Variants in EPC1 observed in about 807,000 individuals in gnomAD.
EPC1 encodes the protein enhancer of polycomb homolog 1.
A neutral mutation model predicts 98.4 loss-of-function variants in EPC1; 12 were observed. The observed-to-expected ratio is 0.12, with a 90% CI of 0.08 to 0.20. EPC1 has a LOEUF of 0.20. EPC1 is among the 10% of genes least tolerant of loss of function. EPC1 has a pLI of 1.00. For synonymous variants in EPC1, 357 were observed against 363.9 expected (o/e 0.98, Z 0.21); for missense variants, 729 against 990.5 (o/e 0.74, Z 3.54).
intron 1 of EPC1, among the ~76,000 whole-genome samples, chr10:32,357,077 G>A (rs1184182277): frequency 1.3e-5 from 2 of 152,212 alleles, no homozygotes; most frequent in African/African-American, 2.4e-5. Context: ...TCACAAGAAT[G>A]AGACCACTTT....
At chr10:32,270,724 C>A (rs564982390) in intron 13 of EPC1, among the ~76,000 whole-genome samples, 1 of 142,754 alleles carries the variant, frequency 7.0e-6, no homozygotes, top group African/African-American at 2.6e-5. Flanking sequence ...ACTCAGAAGG[C>A]TGAGACAGAA....
intron 2 of EPC1, among the ~76,000 whole-genome samples, chr10:32,294,571 G>A (rs1015385426): frequency 1.3e-5 from 2 of 152,088 alleles, no homozygotes; most frequent in South Asian, 2.1e-4. Context: ...GCTGTCACTC[G>A]GTGAGTATGT....
chr10:32,355,739 T>C (rs1839256198), intron 1 of EPC1, among the ~76,000 whole-genome samples: 2 of 147,820 alleles, frequency 1.4e-5, no homozygotes, highest in South Asian at 4.5e-4. Context: ...GCCTCCCGAG[T>C]AGCTGGGACT....
At chr10:32,269,802 C>T (rs1835752670) in intron 13 of EPC1, among the ~76,000 whole-genome samples, 1 of 152,206 alleles carries the variant, frequency 6.6e-6, no homozygotes, top group Non-Finnish European at 1.5e-5. Context: ...ATTAAGCAGA[C>T]AATGACTGTT....
chr10:32,356,559 C>T (rs1839283197), intron 1 of EPC1, among the ~76,000 whole-genome samples: 1 of 151,946 alleles, frequency 6.6e-6, no homozygotes, highest in Admixed American at 6.6e-5. Flanking sequence ...AGGAGATCAA[C>T]GAGGAGAATC....
At chr10:32,368,645 A>G (rs1299686251) in intron 1 of EPC1, among the ~76,000 whole-genome samples, 1 of 152,214 alleles carries the variant, frequency 6.6e-6, no homozygotes, top group Non-Finnish European at 1.5e-5. Flanking sequence ...TATGTGACTC[A>G]TTGACTTAAC....
intron 1 of EPC1, among the ~76,000 whole-genome samples, chr10:32,331,804 A>G (rs900010570): frequency 6.6e-6 from 1 of 152,248 alleles, no homozygotes; most frequent in Non-Finnish European, 1.5e-5. Context: ...AAGTCATCTC[A>G]TAAGTCAACA....
intron 13 of EPC1, chr10:32,269,363 A>C (rs1460338856): frequency 5.0e-6 from 2 of 402,626 alleles, no homozygotes; most frequent in East Asian, 9.5e-5. Context: ...TCAAAATTAT[A>C]GTAGTACTCA....
chr10:32,271,527 G>T (rs1231773245), intron 13 of EPC1, 27 bp downstream of exon 13: 1 of 1,601,992 alleles, frequency 6.2e-7, no homozygotes, highest in Admixed American at 1.7e-5. Flanking sequence ...CTTATTCCAG[G>T]TATGTTAGGC....
chr10:32,349,817 C>T (rs1452941757), upstream of EPC1, among the ~76,000 whole-genome samples: 1 of 152,142 alleles, frequency 6.6e-6, no homozygotes, highest in Non-Finnish European at 1.5e-5. Flanking sequence ...CCAGGCTGCT[C>T]CTGAGCTCCT....
chr10:32,346,707 C>A (rs1306294047), intron 1 of EPC1, 56 bp downstream of exon 1: 2 of 1,534,756 alleles, frequency 1.3e-6, no homozygotes, highest in Middle Eastern at 1.7e-4. Flanking sequence ...GCCGCCGCCG[C>A]AGGCAGCAGA....
intron 1 of EPC1, among the ~76,000 whole-genome samples, chr10:32,354,884 T>C (rs1352692420): frequency 6.6e-6 from 1 of 152,136 alleles, no homozygotes; most frequent in Non-Finnish European, 1.5e-5. Flanking sequence ...CTTATGAGAA[T>C]CTAATGCCTG....
At chr10:32,360,264 G>A (rs1564566862) in intron 1 of EPC1, among the ~76,000 whole-genome samples, 1 of 152,116 alleles carries the variant, frequency 6.6e-6, no homozygotes, top group African/African-American at 2.4e-5. Flanking sequence ...TAGTAGTTTT[G>A]TATCATGTAT....
intron 11 of EPC1, 178 bp from the exon 12 acceptor site, chr10:32,272,345 A>C (rs1835889280): frequency 3.7e-6 from 2 of 537,674 alleles, no homozygotes; most frequent in Non-Finnish European, 6.4e-6. Context: ...ATAGTCATAT[A>C]TTTGATAAGT....
At chr10:32,347,680 G>C (rs1042936943), upstream of EPC1, among the ~76,000 whole-genome samples, 2 of 142,316 alleles carry the variant, frequency 1.4e-5, no homozygotes, top group Non-Finnish European at 2.9e-5. Flanking sequence ...CGTCTGCCGC[G>C]GGGGGCGAAC....
chr10:32,340,170 T>C (rs901524187), intron 1 of EPC1, among the ~76,000 whole-genome samples: 19 of 152,150 alleles, frequency 1.2e-4, no homozygotes, highest in Admixed American at 4.6e-4. Flanking sequence ...ACAACACATA[T>C]CCAAAAACTG....
intron 1 of EPC1, among the ~76,000 whole-genome samples, chr10:32,318,207 C>T (rs1193502618): frequency 6.6e-6 from 1 of 152,126 alleles, no homozygotes; most frequent in African/African-American, 2.4e-5. Context: ...TTTTAAAAGG[C>T]TCTCCCAAAC....
chr10:32,327,479 A>G (rs1417122838), intron 1 of EPC1, among the ~76,000 whole-genome samples: 1 of 152,194 alleles, frequency 6.6e-6, no homozygotes, highest in Non-Finnish European at 1.5e-5. Flanking sequence ...CAAAGAAATG[A>G]TAAATGCTTA....
In EPC1 at chr10:32,286,691, T is replaced by C. The variant is rs1836696126; in HGVS notation, c.1391+3A>G. ...TTCTGCTAGGAATACAGAAATACCT[T>C]ACCTTCCACCGCGCCCAACCCGTCT... On this transcript the variant is annotated splice_donor_region_variant and intron_variant, in intron 9 of 13. Transcript: ENST00000319778. The C allele has an allele frequency of 6.2e-7, 1 of 1,613,810 alleles. No individual in the cohort carries two copies. Among genetic ancestry groups the C allele is most frequent in the Non-Finnish European group, 8.5e-7 (1 of 1,179,926 alleles).
Sources: gnomAD v4.1 joint callset for allele counts (sites outside exome capture counted in the v4.1 genomes callset) on GRCh38, gnomAD v4.1.1 for gene constraint, MANE v1.5 for transcripts, NCBI Gene and HGNC (gene_info 2026-07-23, HGNC 2026-07-21) for gene names.